AQP8: variants seen among roughly 807,000 people sequenced by gnomAD.
AQP8 encodes the protein aquaporin 8.
A neutral mutation model predicts 26.1 loss-of-function variants in AQP8; 14 were observed. The ratio of observed to expected loss-of-function variants is 0.54; its 90% confidence interval spans 0.35 to 0.84. The LOEUF (loss-of-function observed/expected upper bound fraction) is 0.84, where lower values mean the gene tolerates loss of function less well. Among genes scored for constraint, AQP8 ranks in the 40% least tolerant of loss-of-function variants. The probability of loss-of-function intolerance (pLI) is 0.01; values close to 1 mark genes in which losing one functional copy is unlikely to be tolerated. For missense variants in AQP8, 301 were observed against 340.5 expected, an observed-to-expected ratio of 0.88 and a Z score of 0.91; for synonymous variants, 131 against 150.7, an observed-to-expected ratio of 0.87 and a Z score of 0.96.
In AQP8 at chr16:25,221,464, C is replaced by G; in HGVS notation, c.268C>G (p.His90Asp). The change falls in exon 3 of 6, where the codon CAC becomes GAC. Residue 90 changes from histidine to aspartate, a missense_variant. His to Asp is a moderately conservative substitution (Grantham distance 81). Coordinates refer to ENST00000219660, the MANE Select transcript of AQP8 (RefSeq NM_001169.3). Reference protein sequence around the residue: ...IATLGNISGGHFNPAVSLAAM... With the variant: ...IATLGNISGGDFNPAVSLAAM... ...TGCTCTTGTGGGTTACAGTGGTGGA[C>G]ACTTCAACCCTGCGGTGTCCCTGGC... The G allele has an allele frequency of 6.2e-7, 1 of 1,614,060 alleles. No homozygotes were observed. The highest frequency in any genetic ancestry group is 8.5e-7 in the Non-Finnish European group (1 of 1,179,972).
At chr16:25,218,975 C>T (rs1264970040) in intron 2 of AQP8, among the ~76,000 whole-genome samples, 1 of 151,470 alleles carries the variant, frequency 6.6e-6, no homozygotes, top group Non-Finnish European at 1.5e-5. Flanking sequence ...ACATGATCTT[C>T]CCTTTGGACG....
At chr16:25,218,752 C>CCCGTT (rs1962520224) in intron 2 of AQP8, among the ~76,000 whole-genome samples, 11 of 151,104 alleles carry the variant, frequency 7.3e-5, no homozygotes, top group African/African-American at 1.2e-4. Context: ...TGGGGGCAGG[C>CCCGTT]ACCTGTGGTC....
Position 25,217,454 on chromosome 16 carries a change from A to G in AQP8, c.260+9A>G. 1 of 1,612,982 alleles carries G rather than the reference A, an allele frequency of 6.2e-7. No homozygotes were observed. Among genetic ancestry groups the G allele is most frequent in the East Asian group, 2.2e-5 (1 of 44,874 alleles). The stretch of plus-strand genomic sequence containing the variant: ...ACGCTGGGGAATATCAGGTGAGACC[A>G]GCTCTGAGGATTCAGCCTGATGCTG... On this transcript the variant is annotated intron_variant, in intron 2 of 5. Transcript: ENST00000219660.
rs959510823 is a variant in AQP8, at chr16:25,228,558, G to C, written c.*66G>C. The C allele has an allele frequency of 2.8e-5, 43 of 1,557,220 alleles. No homozygotes were observed. The African/African-American group carries it at 3.9e-4, about 14-fold the overall frequency. Reference sequence around the variant, plus strand: ...GCTCACCTGTCCCAGACTGAGGACAGGGGAGTTCCTGCATTTCCTGCCAGG... The same window carrying C: ...GCTCACCTGTCCCAGACTGAGGACACGGGAGTTCCTGCATTTCCTGCCAGG... On this transcript the variant is annotated 3_prime_UTR_variant, in exon 6 of 6. Transcript: ENST00000219660.
chr16:25,219,351 G>T (rs1163476302), intron 2 of AQP8, among the ~76,000 whole-genome samples: 1 of 151,248 alleles, frequency 6.6e-6, no homozygotes, highest in Non-Finnish European at 1.5e-5. Flanking sequence ...AGCACCTATT[G>T]CGTGCCAGAC....
In AQP8 at chr16:25,228,842, G is replaced by T. The variant is rs2287796; in HGVS notation, c.*350G>T. ...GCTCATTTCCCGCACCCCATTTCTT[G>T]CTTGATTGCTTTGTTGGGGGCCTGG... On this transcript the variant is annotated 3_prime_UTR_variant, in exon 6 of 6. Coordinates refer to ENST00000219660, the MANE Select transcript of AQP8 (RefSeq NM_001169.3). The T allele has an allele frequency of 0.44, 87,736 of 198,516 alleles. 20,545 individuals are homozygous for T. Among genetic ancestry groups the T allele is most frequent in the African/African-American group, 0.61 (26,340 of 43,148 alleles). 12.3% of individuals were successfully genotyped at this position (198,516 alleles called of 1,614,324 possible). A position where few individuals can be genotyped will look rare whatever the true frequency, so the allele number is the denominator to read the frequency against.
intron 5 of AQP8, 37 bp from the exon 6 acceptor site, chr16:25,228,407 C>A (rs184696358): frequency 2.4e-5 from 38 of 1,611,780 alleles, no homozygotes; most frequent in East Asian, 4.5e-5. Flanking sequence ...GGTCTCACCT[C>A]CGGGGCAGAG....
In AQP8 at chr16:25,224,420, A is replaced by G. The variant is rs1962604108; in HGVS notation, c.446A>G (p.Gln149Arg). The change falls in exon 4 of 6, where the codon CAG becomes CGG. Residue 149 changes from glutamine (Q) to arginine (R), a missense_variant. Transcript: ENST00000219660. The part of the protein sequence containing the change: ...NASGAAFVTV[Q>R]EQGQVAGALV... ...TCTGGGGCGGCCTTTGTGACAGTCC[A>G]GGAGCAGGGGCAGGTGGCAGGGGCG... 6.2e-7 allele frequency: 1 copy of G among 1,614,052 alleles called. No homozygotes were observed. The highest frequency in any genetic ancestry group is 1.3e-5 in the African/African-American group (1 of 74,936).
intron 5 of AQP8, among the ~76,000 whole-genome samples, chr16:25,227,770 G>A (rs1229081372): frequency 6.6e-6 from 1 of 151,910 alleles, no homozygotes; most frequent in Admixed American, 6.6e-5. Context: ...TTATAGGCAT[G>A]AGCCACCGCG....
At chr16:25,222,507 A>T (rs1461581998) in intron 3 of AQP8, among the ~76,000 whole-genome samples, 1 of 152,094 alleles carries the variant, frequency 6.6e-6, no homozygotes, top group African/African-American at 2.4e-5. Context: ...GAGCCTGGCC[A>T]GCCACAGAGT....
chr16:25,226,477 T>G (rs1962635249), intron 4 of AQP8, among the ~76,000 whole-genome samples: 1 of 152,142 alleles, frequency 6.6e-6, no homozygotes, highest in Non-Finnish European at 1.5e-5. Context: ...GGCTGGTCTC[T>G]AACTCCTGAC....
intron 4 of AQP8, among the ~76,000 whole-genome samples, chr16:25,226,009 CAGAG>C (rs939697278): frequency 5.3e-5 from 8 of 152,204 alleles, no homozygotes; most frequent in African/African-American, 1.9e-4. Flanking sequence ...CACCTGAACA[CAGAG>C]AGGTTCATGG....
Position 25,217,252 on chromosome 16 carries a change from G to T in AQP8, c.67G>T (p.Gly23Cys), listed in dbSNP as rs780528008. The change falls in exon 2 of 6, where the codon GGT becomes TGT. Residue 23 changes from glycine (G) to cysteine (C), a missense_variant. Gly to Cys is a radical substitution (Grantham distance 159). Transcript: ENST00000219660. ...TGACAAGGCCAGGGAGCCGAGCGTG[G>T]GTGGCAGGTGGCGAGTGTCCTGGTA... ...GNDKAREPSV[G>C]GRWRVSWYER... The T allele has an allele frequency of 3.7e-6, 6 of 1,614,110 alleles. No homozygotes were observed. Among genetic ancestry groups the T allele is most frequent in the Non-Finnish European group, 5.1e-6 (6 of 1,180,052 alleles).
intron 4 of AQP8, among the ~76,000 whole-genome samples, 200 bp downstream of exon 4, chr16:25,224,776 C>T (rs1337392413): frequency 1.3e-5 from 2 of 152,198 alleles, no homozygotes; most frequent in African/African-American, 2.4e-5. Context: ...CAGTTCAGCT[C>T]TTGTCAATTA....
chr16:25,219,317 G>C (rs1962526938), intron 2 of AQP8, among the ~76,000 whole-genome samples: 1 of 151,232 alleles, frequency 6.6e-6, no homozygotes, highest in South Asian at 2.1e-4. Context: ...CTCTCTGTTT[G>C]GCTTTTTTGA....
intron 3 of AQP8, among the ~76,000 whole-genome samples, chr16:25,223,578 A>ATGT (rs1962592211): frequency 6.6e-6 from 1 of 151,992 alleles, no homozygotes; most frequent in Admixed American, 6.6e-5. Flanking sequence ...CATGGTTGGT[A>ATGT]TGTACCTGTG....
chr16:25,221,511 C>T lies in AQP8; in HGVS notation c.315C>T (p.Leu105=), dbSNP rs897124529. 4 of 1,613,956 alleles carry T rather than the reference C, an allele frequency of 2.5e-6. No homozygotes were observed. Among genetic ancestry groups the T allele is most frequent in the Non-Finnish European group, 3.4e-6 (4 of 1,180,012 alleles). Residue 105 remains leucine (L), a synonymous_variant, in exon 3 of 6, where the codon CTC becomes CTT. Coordinates refer to ENST00000219660, the MANE Select transcript of AQP8 (RefSeq NM_001169.3). Reference sequence around the variant, plus strand: ...TGGCAGCCATGCTGATCGGAGGCCTCAACCTGGTGATGCTCCTCCCGTACT... The same window carrying T: ...TGGCAGCCATGCTGATCGGAGGCCTTAACCTGGTGATGCTCCTCCCGTACT... The part of the protein sequence containing the change: ...VSLAAMLIGG[L]NLVMLLPYWV...
At chr16:25,224,631 T>C (rs1182900349) in intron 4 of AQP8, 55 bp downstream of exon 4, 1 of 1,552,726 alleles carries the variant, frequency 6.4e-7, no homozygotes, top group African/African-American at 1.4e-5. Context: ...TGTTCAGCTC[T>C]GGGGGATTTC....
In AQP8 at chr16:25,217,231, A is replaced by C. The variant is rs1962498569; in HGVS notation, c.46A>C (p.Lys16Gln). 1 of 1,614,084 alleles carries C rather than the reference A, an allele frequency of 6.2e-7. No individual in the cohort carries two copies. Among genetic ancestry groups the C allele is most frequent in the South Asian group, 1.1e-5 (1 of 91,090 alleles). Residue 16 changes from lysine (K) to glutamine (Q), a missense_variant, in exon 2 of 6, where the codon AAG becomes CAG. Physicochemically the swap from Lys to Gln is moderately conservative, Grantham distance 53. Coordinates refer to ENST00000219660, the MANE Select transcript of AQP8 (RefSeq NM_001169.3). ...AMCEPEFGND[K>Q]AREPSVGGRW... ...GTGTGAGCCTGAATTTGGCAATGAC[A>C]AGGCCAGGGAGCCGAGCGTGGGTGG...
Sources: allele counts gnomAD v4.1 joint callset (sites outside exome capture counted in the v4.1 genomes callset), GRCh38; gene constraint gnomAD v4.1.1; transcripts MANE v1.5; gene names NCBI Gene and HGNC (gene_info 2026-07-23, HGNC 2026-07-21).